The following PARD3 variants were observed in gnomAD, a reference collection of about 807,000 sequenced individuals.
PARD3 encodes par-3 family cell polarity regulator.
A neutral mutation model predicts 155.4 loss-of-function variants in PARD3; 75 were observed. That is an observed-to-expected ratio of 0.48 (90% CI 0.40 to 0.58). The LOEUF is 0.58. Among genes scored for constraint, PARD3 ranks in the 20% least tolerant of loss-of-function variants. The pLI, the probability that PARD3 is intolerant of heterozygous loss-of-function variation, is 0.00. For synonymous variants in PARD3, 576 were observed against 610.5 expected (o/e 0.94, Z 0.83); for missense variants, 1,642 against 1,721.7 (o/e 0.95, Z 0.82).
chr10:34,559,604 C>T (rs1288638921), intron 2 of PARD3, among the ~76,000 whole-genome samples: 2 of 152,128 alleles, frequency 1.3e-5, no homozygotes, highest in African/African-American at 2.4e-5. Flanking sequence ...AGATTGCTAC[C>T]TTTTTAACAT....
chr10:34,371,364 A>T (rs1840591202), intron 12 of PARD3, among the ~76,000 whole-genome samples: 1 of 151,360 alleles, frequency 6.6e-6, no homozygotes, highest in African/African-American at 2.4e-5. Flanking sequence ...TTGTTTACTG[A>T]TTTTCCTCCA....
chr10:34,303,220 C>T (rs1957241550), intron 20 of PARD3, among the ~76,000 whole-genome samples: 1 of 142,836 alleles, frequency 7.0e-6, no homozygotes, highest in Non-Finnish European at 1.5e-5. Context: ...ATGTGTTCTG[C>T]CTAAGTGATT....
chr10:34,541,827 G>T (rs994855037), intron 2 of PARD3, among the ~76,000 whole-genome samples: 4 of 152,082 alleles, frequency 2.6e-5, no homozygotes, highest in Non-Finnish European at 5.9e-5. Flanking sequence ...ATGCCTCGCT[G>T]TAAGCAAACC....
At chr10:34,328,177 G>C (rs576032899) in intron 19 of PARD3, among the ~76,000 whole-genome samples, 1 of 152,286 alleles carries the variant, frequency 6.6e-6, no homozygotes, top group Admixed American at 6.5e-5. Context: ...AAAACAAAGA[G>C]TTTGCTGAAG....
chr10:34,415,983 T>G (rs1564688924), intron 5 of PARD3, among the ~76,000 whole-genome samples: 1 of 152,180 alleles, frequency 6.6e-6, no homozygotes, highest in South Asian at 2.1e-4. Flanking sequence ...AAAGCCTTCA[T>G]GAATCTGCCA....
chr10:34,814,948 G>A lies in PARD3; in HGVS notation c.48C>T (p.Cys16=), dbSNP rs777575781. Residue 16 remains cysteine (C), a synonymous_variant, in exon 1 of 25, where the codon TGC becomes TGT. Transcript: ENST00000374788. ...CFGRTRVVVP[C]GDGHMKVFSL... ...TGAAAACTTTCATGTGGCCGTCCCCGCACGGCACGACCACCCGGGTCCGTC... is the reference window on the plus strand; with the variant it reads ...TGAAAACTTTCATGTGGCCGTCCCCACACGGCACGACCACCCGGGTCCGTC... The A allele has an allele frequency of 1.9e-5, 30 of 1,563,902 alleles. No individual in the cohort carries two copies. The highest frequency in any genetic ancestry group is 9.3e-5 in the South Asian group (8 of 85,734).
At chr10:34,737,645 GCT>G (rs1464782667) in intron 1 of PARD3, among the ~76,000 whole-genome samples, 3 of 152,052 alleles carry the variant, frequency 2.0e-5, no homozygotes, top group Non-Finnish European at 4.4e-5. Context: ...AGGGCCCTCG[GCT>G]CCCCCACCAC....
intron 2 of PARD3, among the ~76,000 whole-genome samples, chr10:34,612,366 G>C (rs1221029179): frequency 6.6e-6 from 1 of 152,128 alleles, no homozygotes; most frequent in Non-Finnish European, 1.5e-5. Flanking sequence ...CTATCAGAGA[G>C]AAATTATTCT....
intron 18 of PARD3, among the ~76,000 whole-genome samples, chr10:34,334,844 A>C (rs770355271): frequency 6.6e-6 from 1 of 151,850 alleles, no homozygotes; most frequent in Non-Finnish European, 1.5e-5. Flanking sequence ...CATGAAAGTT[A>C]TCTAACGCAC....
At chr10:34,631,806 C>T (rs1450132594) in intron 2 of PARD3, among the ~76,000 whole-genome samples, 1 of 152,154 alleles carries the variant, frequency 6.6e-6, no homozygotes, top group African/African-American at 2.4e-5. Flanking sequence ...CCATGTTGCC[C>T]AAGCTGGTCT....
intron 2 of PARD3, among the ~76,000 whole-genome samples, chr10:34,550,733 G>A (rs1002723081): frequency 6.6e-6 from 1 of 152,010 alleles, no homozygotes; most frequent in Non-Finnish European, 1.5e-5. Flanking sequence ...AAAAGAAATC[G>A]TTGTGCTCTT....
chr10:34,437,668 A>G (rs938632854), intron 5 of PARD3, among the ~76,000 whole-genome samples: 6 of 152,154 alleles, frequency 3.9e-5, no homozygotes, highest in Non-Finnish European at 8.8e-5. Flanking sequence ...CTCTCTAAAG[A>G]AAAAAATTTT....
intron 2 of PARD3, among the ~76,000 whole-genome samples, chr10:34,570,149 T>C (rs764891026): frequency 2.6e-5 from 4 of 152,200 alleles, no homozygotes; most frequent in Admixed American, 6.5e-5. Flanking sequence ...CTGGCCAAAA[T>C]ACTCAAATAC....
At chr10:34,559,046 C>CCG (rs2085252554) in intron 2 of PARD3, among the ~76,000 whole-genome samples, 1 of 151,850 alleles carries the variant, frequency 6.6e-6, no homozygotes, top group African/African-American at 2.4e-5. Context: ...CATTTTTCCC[C>CCG]CCCACAGAAT....
At chr10:34,673,136 T>C (rs2093638734) in intron 2 of PARD3, among the ~76,000 whole-genome samples, 1 of 152,118 alleles carries the variant, frequency 6.6e-6, no homozygotes, top group Non-Finnish European at 1.5e-5. Context: ...TTCATGGAGA[T>C]CCGGGAAGCA....
In PARD3 at chr10:34,446,311, A is replaced by C. The variant is rs78558805; in HGVS notation, c.714+4006T>G. ...CTACATATATGCCAAACATTTCCTC[A>C]TTCTAGATTCCAGGTTGTCTGTTAC... On this transcript the variant is annotated intron_variant, in intron 5 of 24. Transcript: ENST00000374788. 6.3e-3 allele frequency among the ~76,000 whole-genome samples: 963 copies of C among 152,276 alleles called. 9 individuals are homozygous for C. The highest frequency in any genetic ancestry group is 0.022 in the African/African-American group (917 of 41,574).
At chr10:34,612,094 C>T (rs1028358539) in intron 2 of PARD3, among the ~76,000 whole-genome samples, 3 of 151,772 alleles carry the variant, frequency 2.0e-5, no homozygotes, top group African/African-American at 7.3e-5. Flanking sequence ...CCAAAGTGCT[C>T]GGATTACAGG....
chr10:34,762,429 G>A (rs2134026000), intron 1 of PARD3, among the ~76,000 whole-genome samples: 1 of 148,664 alleles, frequency 6.7e-6, no homozygotes, highest in South Asian at 2.2e-4. Flanking sequence ...TCCCATCCCA[G>A]CCTTCAGCTG....
intron 2 of PARD3, among the ~76,000 whole-genome samples, chr10:34,585,614 T>C (rs1052017404): frequency 6.6e-6 from 1 of 151,006 alleles, no homozygotes; most frequent in Non-Finnish European, 1.5e-5. Flanking sequence ...AAAGTGAAAA[T>C]TGTGGTGTGC....
Sources: allele counts gnomAD v4.1 joint callset (sites outside exome capture counted in the v4.1 genomes callset), GRCh38; gene constraint gnomAD v4.1.1; transcripts MANE v1.5; gene names NCBI Gene and HGNC (gene_info 2026-07-23, HGNC 2026-07-21).